The following HMCN1 variants were observed in gnomAD, a reference collection of about 807,000 sequenced individuals.
HMCN1 encodes hemicentin-1.
A neutral mutation model predicts 625.9 loss-of-function variants in HMCN1; 321 were observed. The observed-to-expected ratio is 0.51, with a 90% CI of 0.47 to 0.56. HMCN1 has a LOEUF of 0.56. HMCN1 is among the 20% of genes least tolerant of loss of function. The pLI is 0.00. For synonymous variants in HMCN1, 2,425 were observed against 2,417.6 expected, an observed-to-expected ratio of 1.00 and a Z score of -0.09; for missense variants, 6,588 against 6,887.3, an observed-to-expected ratio of 0.96 and a Z score of 1.54.
intron 75 of HMCN1, among the ~76,000 whole-genome samples, chr1:186,115,718 T>A: frequency 6.6e-6 from 1 of 152,156 alleles, no homozygotes; most frequent in Admixed American, 6.5e-5. Flanking sequence ...GATAAAAACA[T>A]CATTTTATAT....
At chr1:185,913,095 T>C (rs1266774514) in intron 6 of HMCN1, among the ~76,000 whole-genome samples, 1 of 152,170 alleles carries the variant, frequency 6.6e-6, no homozygotes, top group Non-Finnish European at 1.5e-5. Context: ...ATTCAAATCC[T>C]AAGATACTAG....
chr1:186,163,367 G>A (rs559654204), intron 97 of HMCN1, among the ~76,000 whole-genome samples: 106 of 152,322 alleles, frequency 7.0e-4, no homozygotes, highest in Admixed American at 1.6e-3. Flanking sequence ...TCCCGAGTGA[G>A]GCAATGCCTC....
Position 186,119,283 on chromosome 1 carries a change from A to G in HMCN1, c.11941A>G (p.Thr3981Ala). The G allele has an allele frequency of 6.2e-7, 1 of 1,613,196 alleles. No individual in the cohort carries two copies. ...GGCTGGCTCTGCACATCGACACGTG[A>G]CCCTTCATGTTCATGGTATGGAAGG... ...NAAGSAHRHV[T>A]LHVHEPPVIQ... is the part of the protein sequence containing the mutation. The change falls in exon 78 of 107, where the codon ACC becomes GCC. Residue 3981 changes from threonine to alanine, a missense_variant. Around this residue, in one of 3 missense-constraint regions of HMCN1, gnomAD observed 4,628 missense variants for 4,853.1 expected, o/e 0.95. Coordinates refer to ENST00000271588, the MANE Select transcript of HMCN1 (RefSeq NM_031935.3).
chr1:186,175,539 G>T (rs1652508108), intron 103 of HMCN1, among the ~76,000 whole-genome samples: 1 of 152,110 alleles, frequency 6.6e-6, no homozygotes. Flanking sequence ...CAGGAATACA[G>T]ATCATCATTT....
At position 186,088,681 on chromosome 1, in the gene HMCN1, A is replaced by G. The variant is rs548583545; in HGVS notation, c.9653A>G (p.Asp3218Gly). The change falls in exon 63 of 107, where the codon GAT (aspartate) becomes GGT (glycine). Residue 3218 changes from aspartate (D) to glycine (G), a missense_variant. Transcript: ENST00000271588. The part of the protein sequence containing the change: ...KLQIARSQHS[D>G]SGNYTCIASN... ...CAGATTGCCCGGTCTCAGCATTCAGATAGTGGAAACTATACATGTATTGCT... is the reference window on the plus strand; with the variant it reads ...CAGATTGCCCGGTCTCAGCATTCAGGTAGTGGAAACTATACATGTATTGCT... 3 of 1,611,994 alleles carry G rather than the reference A, an allele frequency of 1.9e-6. No individual in the cohort carries two copies. The African/African-American group carries it at 4.0e-5, about 22-fold the overall frequency.
intron 100 of HMCN1, among the ~76,000 whole-genome samples, chr1:186,168,447 C>CAA (rs35413214): frequency 2.9e-4 from 35 of 122,634 alleles, no homozygotes; most frequent in Non-Finnish European, 3.1e-4. Flanking sequence ...GACTCTGTTT[C>CAA]AAAAAAAAAA....
intron 36 of HMCN1, among the ~76,000 whole-genome samples, chr1:186,029,869 A>C (rs956922395): frequency 5.9e-5 from 9 of 152,072 alleles, no homozygotes. Context: ...TTGCAGCTAC[A>C]AATCAGTCTA....
intron 35 of HMCN1, among the ~76,000 whole-genome samples, chr1:186,020,159 T>G (rs1445251821): frequency 6.6e-6 from 1 of 151,908 alleles, no homozygotes; most frequent in African/African-American, 2.4e-5. Context: ...AAAAGTTCAC[T>G]TTTTTATCGT....
chr1:186,091,017 T>C lies in HMCN1; in HGVS notation c.9887+100T>C, dbSNP rs914817292. 2.7e-5 allele frequency: 36 copies of C among 1,316,790 alleles called. No homozygotes were observed. In the Admixed American group the frequency reaches 5.4e-4, roughly 20 times the overall value. 81.6% of individuals were successfully genotyped at this position (1,316,790 alleles called of 1,614,324 possible). On this transcript the variant is annotated intron_variant, in intron 64 of 106. Transcript: ENST00000271588. ...AATAATAATACCGAATTCCATCCCATTGGAACTTAGCTATCATTATATTCA... is the reference window on the plus strand; with the variant it reads ...AATAATAATACCGAATTCCATCCCACTGGAACTTAGCTATCATTATATTCA...
intron 1 of HMCN1, among the ~76,000 whole-genome samples, chr1:185,797,068 G>A (rs143715556): frequency 6.6e-6 from 1 of 152,192 alleles, no homozygotes; most frequent in Non-Finnish European, 1.5e-5. Flanking sequence ...TCTCATTGTG[G>A]TTTTAATTTG....
In HMCN1 at chr1:186,053,806, C is replaced by T. The variant is rs372108993; in HGVS notation, c.6701-19C>T. On this transcript the variant is annotated intron_variant, in intron 43 of 106. Coordinates refer to ENST00000271588, the MANE Select transcript of HMCN1 (RefSeq NM_031935.3). ...TTTACATTTCTGCCTCATATTCTGCCATTTGGACTTCTTTGTAGGCTCTCC... is the reference window on the plus strand; with the variant it reads ...TTTACATTTCTGCCTCATATTCTGCTATTTGGACTTCTTTGTAGGCTCTCC... 5 of 1,611,764 alleles carry T rather than the reference C, an allele frequency of 3.1e-6. No individual in the cohort carries two copies. The highest frequency in any genetic ancestry group is 1.3e-5 in the African/African-American group (1 of 74,794).
At chr1:186,147,413 A>AT (rs1650385688) in intron 93 of HMCN1, among the ~76,000 whole-genome samples, 1 of 122,798 alleles carries the variant, frequency 8.1e-6, no homozygotes, top group African/African-American at 3.1e-5. Context: ...TTTTCTCACC[A>AT]TTTTTTTCTT....
At chr1:185,793,744 C>T (rs564682340) in intron 1 of HMCN1, among the ~76,000 whole-genome samples, 4 of 152,270 alleles carry the variant, frequency 2.6e-5, no homozygotes, top group East Asian at 3.9e-4. Context: ...TTTAAAGAGT[C>T]ACCCAGGGTT....
At chr1:185,792,604 G>A (rs1571358326) in intron 1 of HMCN1, among the ~76,000 whole-genome samples, 2 of 152,014 alleles carry the variant, frequency 1.3e-5, no homozygotes, top group East Asian at 3.9e-4. Flanking sequence ...ATGGATTAAG[G>A]AATAACATTT....
intron 82 of HMCN1, 63 bp from the exon 83 acceptor site, chr1:186,128,015 A>T: frequency 7.4e-7 from 1 of 1,353,754 alleles, no homozygotes. Flanking sequence ...ATGCAATTTG[A>T]TGTATTTTAT....
chr1:186,008,096 G>T (rs1653758885), intron 30 of HMCN1, among the ~76,000 whole-genome samples: 2 of 152,068 alleles, frequency 1.3e-5, no homozygotes, highest in African/African-American at 4.8e-5. Flanking sequence ...ATATTTGATT[G>T]CTTAATTATA....
intron 1 of HMCN1, among the ~76,000 whole-genome samples, chr1:185,743,514 A>T (rs533438981): frequency 1.3e-5 from 2 of 152,238 alleles, no homozygotes; most frequent in African/African-American, 2.4e-5. Context: ...GCTATAAGGC[A>T]GTCTGCCTAC....
chr1:185,911,348 C>T (rs1666409675), intron 5 of HMCN1, among the ~76,000 whole-genome samples: 1 of 152,076 alleles, frequency 6.6e-6, no homozygotes, highest in African/African-American at 2.4e-5. Flanking sequence ...GTCAGCATAA[C>T]AAATAGTAAT....
chr1:185,842,540 G>A (rs1661539188), intron 1 of HMCN1, among the ~76,000 whole-genome samples: 1 of 149,826 alleles, frequency 6.7e-6, no homozygotes, highest in African/African-American at 2.5e-5. Context: ...CTGCAGCCTG[G>A]GCAACATAAT....
Sources: gnomAD v4.1 joint callset for allele counts (sites outside exome capture counted in the v4.1 genomes callset) on GRCh38, gnomAD v4.1.1 for gene constraint, gnomAD v4.1.1 regional missense constraint, MANE v1.5 for transcripts, NCBI Gene and HGNC (gene_info 2026-07-23, HGNC 2026-07-21) for gene names.